The following SORCS3 variants were observed in gnomAD, a reference collection of about 807,000 sequenced individuals.
SORCS3 encodes the protein VPS10 domain-containing receptor SorCS3.
A neutral mutation model predicts 146.3 loss-of-function variants in SORCS3; 57 were observed. The observed-to-expected ratio is 0.39, with a 90% CI of 0.31 to 0.49. SORCS3 has a LOEUF of 0.49. Among genes scored for constraint, SORCS3 ranks in the 20% least tolerant of loss-of-function variants. The probability of loss-of-function intolerance (pLI) is 0.92; values close to 1 mark genes in which losing one functional copy is unlikely to be tolerated. For synonymous variants in SORCS3, 653 were observed against 618.5 expected (o/e 1.06, Z -0.83); for missense variants, 1,341 against 1,575.5 (o/e 0.85, Z 2.52).
intron 5 of SORCS3, among the ~76,000 whole-genome samples, chr10:105,076,229 A>T (rs1350808444): frequency 6.6e-6 from 1 of 152,202 alleles, no homozygotes; most frequent in Non-Finnish European, 1.5e-5. Flanking sequence ...TTGAGATTAG[A>T]ATCTAGGACC....
chr10:105,087,401 C>G lies in SORCS3; in HGVS notation c.1029-2374C>G, dbSNP rs947027801. ...CGCATTCTGCACCTGTATCTCAGAA[C>G]TTAAAGTAAAAATTCTAAAAATATT... On this transcript the variant is annotated intron_variant, in intron 5 of 26. Transcript: ENST00000369701. Among the ~76,000 whole-genome samples, 6 of 150,104 alleles carry G rather than the reference C, an allele frequency of 4.0e-5. No individual in the cohort carries two copies. In the South Asian group the frequency reaches 1.3e-3, roughly 31 times the overall value.
intron 2 of SORCS3, among the ~76,000 whole-genome samples, chr10:104,866,814 A>T (rs972471760): frequency 6.6e-5 from 10 of 152,106 alleles, no homozygotes; most frequent in African/African-American, 2.4e-4. Context: ...TTTTTTGCCC[A>T]TAATCTCTTT....
At position 104,728,033 on chromosome 10, in the gene SORCS3, A is replaced by G. The variant is rs1032078092; in HGVS notation, c.627+86079A>G. On this transcript the variant is annotated intron_variant, in intron 1 of 26. Transcript: ENST00000369701. ...ATATATATAACAGTTCTATCTATCT[A>G]TCTATCTATCTATCTATCTATCTAT... Among the ~76,000 whole-genome samples the G allele has an allele frequency of 9.5e-4, 134 of 140,892 alleles. 1 individual carries two copies. Among genetic ancestry groups the G allele is most frequent in the African/African-American group, 3.8e-3 (131 of 34,718 alleles). 92.4% of individuals were successfully genotyped at this position (140,892 alleles called of 152,430 possible). A position where few individuals can be genotyped will look rare whatever the true frequency, so the allele number is the denominator to read the frequency against.
chr10:104,796,117 G>A (rs1022654122), intron 1 of SORCS3, among the ~76,000 whole-genome samples: 3 of 152,200 alleles, frequency 2.0e-5, no homozygotes, highest in Non-Finnish European at 4.4e-5. Flanking sequence ...GGGATTGCAT[G>A]AGTTGTCTCC....
intron 1 of SORCS3, among the ~76,000 whole-genome samples, chr10:104,800,559 G>A (rs1003555287): frequency 6.6e-6 from 1 of 152,150 alleles, no homozygotes; most frequent in Non-Finnish European, 1.5e-5. Flanking sequence ...TGAAAGTGAG[G>A]GAGGGTGTGT....
Position 104,826,033 on chromosome 10 carries a change from A to G in SORCS3, c.628-16759A>G, listed in dbSNP as rs571726119. On this transcript the variant is annotated intron_variant, in intron 1 of 26. Coordinates refer to ENST00000369701, the MANE Select transcript of SORCS3 (RefSeq NM_014978.3). Reference sequence around the variant, plus strand: ...GGATAACTACTGCTTGTTAATTTCTATATATCTTATCTCTCCCTTGGATCC... The same window carrying G: ...GGATAACTACTGCTTGTTAATTTCTGTATATCTTATCTCTCCCTTGGATCC... Among the ~76,000 whole-genome samples, 166 of 152,200 alleles carry G rather than the reference A, an allele frequency of 1.1e-3. 1 individual carries two copies. The highest frequency in any genetic ancestry group is 4.0e-3 in the African/African-American group (165 of 41,542).
chr10:105,219,054 TAA>T (rs2056683213), intron 19 of SORCS3, among the ~76,000 whole-genome samples: 1 of 152,008 alleles, frequency 6.6e-6, no homozygotes, highest in South Asian at 2.1e-4. Context: ...AATGCTTAGC[TAA>T]AAGGGAGGCT....
chr10:105,080,128 T>A (rs1021580226), intron 5 of SORCS3, among the ~76,000 whole-genome samples: 3 of 152,232 alleles, frequency 2.0e-5, no homozygotes, highest in Admixed American at 6.5e-5. Context: ...CTTTGAGGAA[T>A]CACCACACTA....
intron 5 of SORCS3, among the ~76,000 whole-genome samples, chr10:105,061,652 CA>C (rs57641383): frequency 0.73 from 96,894 of 132,400 alleles, 35,017 homozygotes; most frequent in East Asian, 0.86. Flanking sequence ...GACCCTATCT[CA>C]AAAAAAAAAA....
At chr10:104,926,825 T>C (rs2019152335) in intron 3 of SORCS3, among the ~76,000 whole-genome samples, 1 of 152,254 alleles carries the variant, frequency 6.6e-6, no homozygotes, top group Non-Finnish European at 1.5e-5. Flanking sequence ...CAAGAATTTA[T>C]TTAAAGGCTC....
At chr10:104,909,892 A>G (rs1461819992) in intron 2 of SORCS3, among the ~76,000 whole-genome samples, 3 of 151,732 alleles carry the variant, frequency 2.0e-5, no homozygotes, top group Non-Finnish European at 4.4e-5. Flanking sequence ...GGTAAAAAGC[A>G]TACGATAACT....
At chr10:104,781,342 C>A (rs2017372042) in intron 1 of SORCS3, among the ~76,000 whole-genome samples, 1 of 152,198 alleles carries the variant, frequency 6.6e-6, no homozygotes, top group African/African-American at 2.4e-5. Flanking sequence ...CAGCTGCTAG[C>A]ATCACAGAAT....
chr10:104,751,913 C>A (rs2016988089), intron 1 of SORCS3, among the ~76,000 whole-genome samples: 1 of 82,376 alleles, frequency 1.2e-5, no homozygotes, highest in Non-Finnish European at 2.4e-5. Flanking sequence ...AATGTAAATG[C>A]TAATAGGAAG....
intron 4 of SORCS3, among the ~76,000 whole-genome samples, chr10:104,983,945 C>G (rs183090481): frequency 6.6e-6 from 1 of 152,202 alleles, no homozygotes; most frequent in Admixed American, 6.5e-5. Context: ...AAGCATACAT[C>G]TCATGAGTCT....
chr10:105,226,010 T>C (rs1043993176), intron 20 of SORCS3, among the ~76,000 whole-genome samples: 4 of 151,952 alleles, frequency 2.6e-5, no homozygotes, highest in Non-Finnish European at 4.4e-5. Flanking sequence ...CAGGGAAAAT[T>C]TGACTCTTTC....
intron 1 of SORCS3, among the ~76,000 whole-genome samples, chr10:104,727,690 A>T (rs1164229829): frequency 6.6e-6 from 1 of 152,078 alleles, no homozygotes; most frequent in Non-Finnish European, 1.5e-5. Flanking sequence ...GTAGACCAGT[A>T]TCAGTCCGTG....
intron 2 of SORCS3, among the ~76,000 whole-genome samples, chr10:104,901,307 A>G (rs2018848830): frequency 6.6e-6 from 1 of 152,236 alleles, no homozygotes; most frequent in South Asian, 2.1e-4. Flanking sequence ...CAAAGAGGGT[A>G]AGTGACCTGG....
At chr10:105,054,918 C>A (rs1256904199) in intron 5 of SORCS3, among the ~76,000 whole-genome samples, 1 of 152,140 alleles carries the variant, frequency 6.6e-6, no homozygotes, top group Non-Finnish European at 1.5e-5. Context: ...ATTGATTCAT[C>A]CAAATGAATT....
intron 8 of SORCS3, among the ~76,000 whole-genome samples, chr10:105,146,562 A>C (rs2056132651): frequency 6.6e-6 from 1 of 152,008 alleles, no homozygotes; most frequent in Non-Finnish European, 1.5e-5. Flanking sequence ...GAATATGGCC[A>C]AGCTAAACAT....
Sources: allele counts gnomAD v4.1 joint callset (sites outside exome capture counted in the v4.1 genomes callset), GRCh38; gene constraint gnomAD v4.1.1; transcripts MANE v1.5; gene names NCBI Gene and HGNC (gene_info 2026-07-23, HGNC 2026-07-21).